The following KCND2 variants were observed in gnomAD, a reference collection of about 807,000 sequenced individuals.
The protein encoded by KCND2 is potassium voltage-gated channel subfamily D member 2.
A neutral mutation model predicts 54.4 loss-of-function variants in KCND2; 16 were observed. The ratio of observed to expected loss-of-function variants is 0.29; its 90% CI spans 0.20 to 0.45. The LOEUF is 0.45. Among genes scored for constraint, KCND2 ranks in the 20% least tolerant of loss-of-function variants. The probability of loss-of-function intolerance (pLI) is 1.00; values close to 1 mark genes in which losing one functional copy is unlikely to be tolerated. For missense variants in KCND2, 486 were observed against 824.2 expected (o/e 0.59, Z 5.02); for synonymous variants, 317 against 310.7 (o/e 1.02, Z -0.21).
chr7:120,657,739 T>C (rs1791819986), intron 1 of KCND2, among the ~76,000 whole-genome samples: 1 of 151,928 alleles, frequency 6.6e-6, no homozygotes, highest in Non-Finnish European at 1.5e-5. Context: ...TCCTAGATAC[T>C]CCGCAGGCTG....
At chr7:120,620,288 A>T (rs2116499207) in intron 1 of KCND2, among the ~76,000 whole-genome samples, 1 of 152,184 alleles carries the variant, frequency 6.6e-6, no homozygotes, top group African/African-American at 2.4e-5. Flanking sequence ...ACTTTCATTC[A>T]TTTACAATCC....
At chr7:120,709,061 C>A (rs1001317197) in intron 1 of KCND2, among the ~76,000 whole-genome samples, 1 of 152,018 alleles carries the variant, frequency 6.6e-6, no homozygotes, top group African/African-American at 2.4e-5. Context: ...ACCATGTTAC[C>A]CTGTCCGTGC....
At chr7:120,317,052 G>A (rs989829045) in intron 1 of KCND2, among the ~76,000 whole-genome samples, 2 of 152,038 alleles carry the variant, frequency 1.3e-5, no homozygotes, top group Non-Finnish European at 2.9e-5. Context: ...AGCCAGGATG[G>A]TCTTGATCTC....
Position 120,667,297 on chromosome 7 carries a change from G to A in KCND2, c.1116-65606G>A, listed in dbSNP as rs555134508. 5.3e-5 allele frequency among the ~76,000 whole-genome samples: 8 copies of A among 152,124 alleles called. No individual in the cohort carries two copies. The South Asian group carries it at 8.3e-4, about 16-fold the overall frequency. ...GACATTTAAGATTCTAATAAAGACCGTGTACCTCCCCAGAAAATTGTAGAT... is the reference window on the plus strand; with the variant it reads ...GACATTTAAGATTCTAATAAAGACCATGTACCTCCCCAGAAAATTGTAGAT... On this transcript the variant is annotated intron_variant, in intron 1 of 5. Coordinates refer to ENST00000331113, the MANE Select transcript of KCND2 (RefSeq NM_012281.3).
chr7:120,520,411 C>T (rs912108744), intron 1 of KCND2, among the ~76,000 whole-genome samples: 1 of 152,092 alleles, frequency 6.6e-6, no homozygotes, highest in Non-Finnish European at 1.5e-5. Flanking sequence ...CTCACTGTAT[C>T]TATATGTATG....
At chr7:120,418,836 A>G (rs1047046877) in intron 1 of KCND2, among the ~76,000 whole-genome samples, 1 of 152,136 alleles carries the variant, frequency 6.6e-6, no homozygotes, top group Admixed American at 6.5e-5. Flanking sequence ...TATTTACTCA[A>G]TTGTTCCACC....
chr7:120,744,428 C>T (rs1792980411), intron 4 of KCND2, among the ~76,000 whole-genome samples: 1 of 152,092 alleles, frequency 6.6e-6, no homozygotes, highest in East Asian at 1.9e-4. Context: ...GACTCCTGCA[C>T]TTTCAATCAC....
At chr7:120,301,338 C>T (rs1014753491) in intron 1 of KCND2, among the ~76,000 whole-genome samples, 1 of 152,118 alleles carries the variant, frequency 6.6e-6, no homozygotes, top group East Asian at 1.9e-4. Context: ...GAGCAATAAA[C>T]ATACATATTC....
chr7:120,557,432 C>A (rs1426772374), intron 1 of KCND2, among the ~76,000 whole-genome samples: 1 of 152,072 alleles, frequency 6.6e-6, no homozygotes. Context: ...GTATCTTTAA[C>A]ATCATATACA....
At chr7:120,649,568 G>A (rs1335085081) in intron 1 of KCND2, among the ~76,000 whole-genome samples, 1 of 152,070 alleles carries the variant, frequency 6.6e-6, no homozygotes, top group African/African-American at 2.4e-5. Flanking sequence ...CTTCTCTTGA[G>A]AAGTGTCTGT....
chr7:120,453,193 G>A (rs987465466), intron 1 of KCND2, among the ~76,000 whole-genome samples: 3 of 152,164 alleles, frequency 2.0e-5, no homozygotes, highest in Non-Finnish European at 2.9e-5. Flanking sequence ...GGCAGACCTT[G>A]CCTCTTCTCC....
At chr7:120,502,148 G>A (rs1802945731) in intron 1 of KCND2, among the ~76,000 whole-genome samples, 1 of 151,970 alleles carries the variant, frequency 6.6e-6, no homozygotes, top group Admixed American at 6.6e-5. Context: ...TGTTTAAGTA[G>A]CAAACTCGGT....
intron 1 of KCND2, among the ~76,000 whole-genome samples, chr7:120,695,888 A>G (rs1792327228): frequency 6.6e-6 from 1 of 152,214 alleles, no homozygotes; most frequent in Non-Finnish European, 1.5e-5. Context: ...TTATAGATGG[A>G]AGTTGCTATG....
At chr7:120,281,415 G>A (rs1799260661) in intron 1 of KCND2, among the ~76,000 whole-genome samples, 1 of 102,866 alleles carries the variant, frequency 9.7e-6, no homozygotes, top group South Asian at 4.5e-4. Context: ...ATGTGGGATA[G>A]CGTCTGATAT....
At chr7:120,315,067 A>G (rs1054086191) in intron 1 of KCND2, among the ~76,000 whole-genome samples, 16 of 152,232 alleles carry the variant, frequency 1.1e-4, no homozygotes, top group African/African-American at 3.9e-4. Context: ...TTATCAATTT[A>G]CCAACTGATT....
intron 1 of KCND2, among the ~76,000 whole-genome samples, chr7:120,646,300 C>T (rs530702840): frequency 1.3e-5 from 2 of 152,252 alleles, no homozygotes; most frequent in Non-Finnish European, 2.9e-5. Context: ...TGGCCTGCCT[C>T]CTTCCTTTCC....
rs576349012 is a variant in KCND2 at position 120,633,084 on chromosome 7, C to T, written c.1116-99819C>T. Among the ~76,000 whole-genome samples the T allele has an allele frequency of 7.3e-4, 111 of 152,256 alleles. 2 individuals are homozygous for T. Among genetic ancestry groups the T allele is most frequent in the African/African-American group, 2.5e-3 (102 of 41,548 alleles). On this transcript the variant is annotated intron_variant, in intron 1 of 5. Transcript: ENST00000331113. ...ACACACGTAAAGCCCTGAATTATCG[C>T]CATTTCAAATATTGAGAGAAATGTC... is the stretch of plus-strand genomic sequence containing the variant.
chr7:120,719,635 A>G (rs1017631653), intron 1 of KCND2, among the ~76,000 whole-genome samples: 1 of 152,190 alleles, frequency 6.6e-6, no homozygotes, highest in Non-Finnish European at 1.5e-5. Context: ...ACTAACAGCC[A>G]GGCTCCAACA....
chr7:120,529,888 A>G (rs901088234), intron 1 of KCND2, among the ~76,000 whole-genome samples: 1 of 152,128 alleles, frequency 6.6e-6, no homozygotes, highest in African/African-American at 2.4e-5. Context: ...TCAAGACCAC[A>G]CTGGGCAACA....
Sources: gnomAD v4.1 joint callset for allele counts (sites outside exome capture counted in the v4.1 genomes callset) on GRCh38, gnomAD v4.1.1 for gene constraint, MANE v1.5 for transcripts, NCBI Gene and HGNC (gene_info 2026-07-23, HGNC 2026-07-21) for gene names.